CUL3: variants seen among roughly 807,000 people sequenced by gnomAD.
CUL3 encodes cullin 3.
A neutral mutation model predicts 89.1 loss-of-function variants in CUL3; 19 were observed. The ratio of observed to expected loss-of-function variants is 0.21; its 90% confidence interval spans 0.15 to 0.31. CUL3 has a LOEUF of 0.31. Ranked by LOEUF, CUL3 falls within the 10% of genes least tolerant of loss-of-function variation. The pLI is 1.00. For missense variants in CUL3, 469 were observed against 942.3 expected, an observed-to-expected ratio of 0.50 and a Z score of 6.58; for synonymous variants, 351 against 308.4, an observed-to-expected ratio of 1.14 and a Z score of -1.45.
intron 3 of CUL3, among the ~76,000 whole-genome samples, chr2:224,515,481 C>T (rs1417675664): frequency 6.6e-6 from 1 of 152,154 alleles, no homozygotes; most frequent in Non-Finnish European, 1.5e-5. Flanking sequence ...CTCGTCTCAG[C>T]AAGGATCTCT....
At chr2:224,494,509 CT>C (rs1242167005) in intron 13 of CUL3, among the ~76,000 whole-genome samples, 11 of 151,966 alleles carry the variant, frequency 7.2e-5, no homozygotes, top group African/African-American at 2.7e-4. Context: ...AGAAAAATGA[CT>C]GCACTATCAA....
intron 3 of CUL3, among the ~76,000 whole-genome samples, chr2:224,526,080 A>G (rs1367770127): frequency 6.6e-6 from 1 of 152,230 alleles, no homozygotes; most frequent in African/African-American, 2.4e-5. Flanking sequence ...ATGACTCCCA[A>G]AAGATAAGAA....
chr2:224,481,225 C>T (rs540202539), intron 14 of CUL3, among the ~76,000 whole-genome samples: 7 of 151,902 alleles, frequency 4.6e-5, no homozygotes, highest in Admixed American at 4.6e-4. Flanking sequence ...TATATTAGTA[C>T]TAGGAAGCCT....
intron 1 of CUL3, 33 bp downstream of exon 1, chr2:224,584,911 C>T (rs1559252692): frequency 6.9e-7 from 1 of 1,440,710 alleles, no homozygotes; most frequent in Admixed American, 2.2e-5. Context: ...CGGCCCCCGG[C>T]CCCGGGGTCC....
Position 224,513,509 on chromosome 2 carries a change from AT to A in CUL3, c.654+14del. On this transcript the variant is annotated intron_variant, in intron 5 of 15. Coordinates refer to ENST00000264414, the MANE Select transcript of CUL3 (RefSeq NM_003590.5). ...ACATCTTAAAAGATTATTTATTTACATTTTCACGGATTACCTGAAAAAATTC... is the reference window on the plus strand; with the variant it reads ...ACATCTTAAAAGATTATTTATTTACATTTCACGGATTACCTGAAAAAATTC... The A allele has an allele frequency of 7.3e-7, 1 of 1,367,998 alleles. No individual in the cohort carries two copies. Among genetic ancestry groups the A allele is most frequent in the Non-Finnish European group, 1.0e-6 (1 of 974,110 alleles). The allele number at this position is 1,367,998 out of a possible 1,614,324, so 84.7% of individuals were successfully genotyped here.
At chr2:224,483,242 C>T (rs1691594654) in intron 13 of CUL3, among the ~76,000 whole-genome samples, 2 of 152,096 alleles carry the variant, frequency 1.3e-5, no homozygotes, top group Admixed American at 6.5e-5. Context: ...TTAGTTATTG[C>T]TTAATCATAT....
chr2:224,579,286 A>G (rs946026549), intron 1 of CUL3, among the ~76,000 whole-genome samples: 2 of 152,218 alleles, frequency 1.3e-5, no homozygotes, highest in Admixed American at 6.5e-5. Flanking sequence ...ACTTTGTTTC[A>G]TAACATGAAA....
chr2:224,531,173 T>C (rs1366429533), intron 3 of CUL3, among the ~76,000 whole-genome samples: 1 of 151,082 alleles, frequency 6.6e-6, no homozygotes, highest in Non-Finnish European at 1.5e-5. Flanking sequence ...CTGCAACCTC[T>C]GCCTCCCAAG....
intron 13 of CUL3, among the ~76,000 whole-genome samples, chr2:224,483,997 C>G (rs758710986): frequency 6.6e-6 from 1 of 152,126 alleles, no homozygotes; most frequent in African/African-American, 2.4e-5. Flanking sequence ...CAAAATCAGC[C>G]TGGTCAACAT....
intron 14 of CUL3, chr2:224,479,050 G>C (rs1559335952): frequency 6.6e-6 from 1 of 152,156 alleles, no homozygotes. Flanking sequence ...GGGAAATACA[G>C]AAGTCGTCTT....
chr2:224,508,946 A>T (rs1351927646), intron 6 of CUL3, among the ~76,000 whole-genome samples: 2 of 92,222 alleles, frequency 2.2e-5, no homozygotes, highest in African/African-American at 9.7e-5. Flanking sequence ...TGGGCGACAG[A>T]GCAAGACTTC....
intron 1 of CUL3, among the ~76,000 whole-genome samples, chr2:224,578,528 C>T (rs1695362814): frequency 6.6e-6 from 1 of 152,128 alleles, no homozygotes; most frequent in East Asian, 1.9e-4. Context: ...CAGGAATATA[C>T]ATCATTGTTA....
At chr2:224,517,381 T>C (rs1364844517) in intron 3 of CUL3, among the ~76,000 whole-genome samples, 1 of 152,084 alleles carries the variant, frequency 6.6e-6, no homozygotes, top group African/African-American at 2.4e-5. Flanking sequence ...CTCAATATTG[T>C]ATACATACAG....
At chr2:224,570,922 T>G (rs1695167079) in intron 1 of CUL3, among the ~76,000 whole-genome samples, 1 of 152,230 alleles carries the variant, frequency 6.6e-6, no homozygotes, top group Non-Finnish European at 1.5e-5. Flanking sequence ...ATTAGCCTAT[T>G]TAAGTCCATT....
intron 2 of CUL3, among the ~76,000 whole-genome samples, chr2:224,551,506 A>ATTTT (rs374647901): frequency 7.2e-6 from 1 of 139,634 alleles, no homozygotes; most frequent in African/African-American, 2.6e-5. Context: ...CGCCTGGTCA[A>ATTTT]TTTTTTTTTT....
chr2:224,581,123 G>A lies in CUL3; in HGVS notation c.66+3821C>T, dbSNP rs543978232. 7.2e-5 allele frequency among the ~76,000 whole-genome samples: 11 copies of A among 152,256 alleles called. No homozygotes were observed. The South Asian group carries it at 1.5e-3, about 20-fold the overall frequency. ...TAAAAAACAGAACTATTGGCCGGGCGTGGCGGCTCACACCTGTAATCCCAG... is the reference window on the plus strand; with the variant it reads ...TAAAAAACAGAACTATTGGCCGGGCATGGCGGCTCACACCTGTAATCCCAG... On this transcript the variant is annotated intron_variant, in intron 1 of 15. Coordinates refer to ENST00000264414, the MANE Select transcript of CUL3 (RefSeq NM_003590.5).
At chr2:224,480,799 T>G (rs1691510889) in intron 14 of CUL3, among the ~76,000 whole-genome samples, 1 of 152,170 alleles carries the variant, frequency 6.6e-6, no homozygotes. Context: ...TGTCTTGCAT[T>G]GGAAGAAAAA....
chr2:224,500,632 T>TTC, intron 10 of CUL3, 145 bp from the exon 11 acceptor site: 2 of 715,908 alleles, frequency 2.8e-6, no homozygotes. Flanking sequence ...CTTTTCTTTT[T>TTC]TTTTTTTTTT....
At chr2:224,520,618 T>G (rs796507681) in intron 3 of CUL3, among the ~76,000 whole-genome samples, 28 of 151,842 alleles carry the variant, frequency 1.8e-4, no homozygotes, top group African/African-American at 5.8e-4. Flanking sequence ...TCTCCAGGAG[T>G]TGGACTGGAG....
Sources: gnomAD v4.1 joint callset for allele counts (sites outside exome capture counted in the v4.1 genomes callset) on GRCh38, gnomAD v4.1.1 for gene constraint, MANE v1.5 for transcripts, NCBI Gene and HGNC (gene_info 2026-07-23, HGNC 2026-07-21) for gene names.